CHSY3: variants seen among roughly 807,000 people sequenced by gnomAD.
The protein encoded by CHSY3 is chondroitin sulfate synthase 3.
Under a neutral mutation model 67.2 loss-of-function variants are expected in CHSY3, and 35 were observed. The observed-to-expected ratio is 0.52, with a 90% CI of 0.40 to 0.69. CHSY3 has a LOEUF of 0.69. Among genes scored for constraint, CHSY3 ranks in the 30% least tolerant of loss-of-function variants. CHSY3 has a pLI of 0.00. For missense variants in CHSY3, 1,069 were observed against 1,138.5 expected (o/e 0.94, Z 0.88); for synonymous variants, 474 against 434.7 (o/e 1.09, Z -1.12).
At chr5:129,978,680 T>G (rs1464312772) in intron 2 of CHSY3, among the ~76,000 whole-genome samples, 1 of 152,108 alleles carries the variant, frequency 6.6e-6, no homozygotes, top group African/African-American at 2.4e-5. Flanking sequence ...CACTGACAAA[T>G]GAGTATTTTG....
intron 2 of CHSY3, chr5:130,141,354 G>T: frequency 2.6e-6 from 1 of 379,960 alleles, no homozygotes; most frequent in South Asian, 2.5e-5. Flanking sequence ...ATTTATCAAG[G>T]AGAGAGTGCC....
chr5:130,092,411 G>A (rs1766911546), intron 2 of CHSY3, among the ~76,000 whole-genome samples: 2 of 152,104 alleles, frequency 1.3e-5, no homozygotes, highest in African/African-American at 4.8e-5. Flanking sequence ...TCATAGTCTT[G>A]AGTTGGAATG....
chr5:129,956,277 G>A (rs191353015), intron 2 of CHSY3, among the ~76,000 whole-genome samples: 6 of 151,884 alleles, frequency 4.0e-5, no homozygotes, highest in African/African-American at 1.5e-4. Flanking sequence ...ATCTCATTGT[G>A]GGTTTGATTT....
intron 2 of CHSY3, among the ~76,000 whole-genome samples, chr5:130,002,710 C>G (rs1041623834): frequency 6.6e-6 from 1 of 151,990 alleles, no homozygotes; most frequent in Admixed American, 6.6e-5. Context: ...ATTTGTTCCA[C>G]TATAGTAAAC....
intron 2 of CHSY3, among the ~76,000 whole-genome samples, chr5:129,993,284 G>T (rs1763424369): frequency 6.6e-6 from 1 of 152,028 alleles, no homozygotes; most frequent in Non-Finnish European, 1.5e-5. Context: ...CCATCTCGTT[G>T]ATCTGTTTAA....
intron 2 of CHSY3, among the ~76,000 whole-genome samples, chr5:130,071,342 A>G (rs1057105986): frequency 6.6e-6 from 1 of 152,112 alleles, no homozygotes; most frequent in Admixed American, 6.6e-5. Flanking sequence ...AAGGTTTCAC[A>G]TGCAAAATAA....
At chr5:129,954,480 C>T (rs1263141145) in intron 2 of CHSY3, among the ~76,000 whole-genome samples, 7 of 151,012 alleles carry the variant, frequency 4.6e-5, no homozygotes. Flanking sequence ...TTTTTGGTTC[C>T]ATATGAAATT....
At chr5:129,966,845 A>G (rs1459505279) in intron 2 of CHSY3, among the ~76,000 whole-genome samples, 3 of 151,820 alleles carry the variant, frequency 2.0e-5, no homozygotes, top group African/African-American at 7.3e-5. Flanking sequence ...GAAGGGAACC[A>G]ATGCCTGACT....
chr5:129,952,226 G>GC (rs1201193944), intron 2 of CHSY3, among the ~76,000 whole-genome samples: 1 of 152,194 alleles, frequency 6.6e-6, no homozygotes, highest in African/African-American at 2.4e-5. Context: ...AATAAGCAGA[G>GC]CCCTTGTCCT....
At chr5:129,992,031 A>G (rs1018039203) in intron 2 of CHSY3, among the ~76,000 whole-genome samples, 1 of 152,180 alleles carries the variant, frequency 6.6e-6, no homozygotes, top group Admixed American at 6.5e-5. Context: ...GGAGATAATC[A>G]AAGATGAAGA....
At chr5:130,160,895 A>AT (rs1235724208) in intron 2 of CHSY3, among the ~76,000 whole-genome samples, 66 of 142,494 alleles carry the variant, frequency 4.6e-4, no homozygotes, top group Middle Eastern at 3.6e-3. Context: ...TTATTTATTT[A>AT]TTTTTTTTTT....
At chr5:130,001,348 C>A (rs1763722943) in intron 2 of CHSY3, 1 of 755,022 alleles carries the variant, frequency 1.3e-6, no homozygotes, top group Non-Finnish European at 1.6e-6. Context: ...TGGTGGAATT[C>A]TTTCATTTTA....
chr5:130,068,035 A>G (rs1375970086), intron 2 of CHSY3, among the ~76,000 whole-genome samples: 1 of 152,186 alleles, frequency 6.6e-6, no homozygotes, highest in African/African-American at 2.4e-5. Flanking sequence ...GTAAATATGT[A>G]TTACATGTAA....
intron 2 of CHSY3, among the ~76,000 whole-genome samples, chr5:130,162,057 A>AAAAAGAAAG (rs1554087189): frequency 8.1e-6 from 1 of 122,980 alleles, no homozygotes; most frequent in African/African-American, 3.1e-5. Flanking sequence ...AAAAAAAAAA[A>AAAAAGAAAG]AAAGAAAGAA....
chr5:130,110,522 T>G (rs1236202635), intron 2 of CHSY3, among the ~76,000 whole-genome samples: 1 of 151,948 alleles, frequency 6.6e-6, no homozygotes, highest in African/African-American at 2.4e-5. Flanking sequence ...TCTTTGGCTT[T>G]CATTCTGCCC....
chr5:130,141,741 T>C, intron 2 of CHSY3: 1 of 494,352 alleles, frequency 2.0e-6, no homozygotes, highest in Non-Finnish European at 4.0e-6. Context: ...TTGATAAGGG[T>C]ATTAAAATTA....
At chr5:130,163,479 C>T (rs188763565) in intron 2 of CHSY3, among the ~76,000 whole-genome samples, 37 of 152,274 alleles carry the variant, frequency 2.4e-4, no homozygotes, top group Middle Eastern at 3.4e-3. Context: ...GACACTTTCC[C>T]TTCAACTTCT....
intron 2 of CHSY3, among the ~76,000 whole-genome samples, chr5:130,138,892 A>G (rs919350443): frequency 1.3e-5 from 2 of 152,328 alleles, no homozygotes; most frequent in South Asian, 2.1e-4. Context: ...TGAATGCATC[A>G]TTCTGAGAAT....
At chr5:130,127,231 C>G (rs1385808879) in intron 2 of CHSY3, among the ~76,000 whole-genome samples, 2 of 152,136 alleles carry the variant, frequency 1.3e-5, no homozygotes, top group African/African-American at 4.8e-5. Flanking sequence ...GCCTTTCTTT[C>G]TCAATCTCAA....
Sources: gnomAD v4.1 joint callset for allele counts (sites outside exome capture counted in the v4.1 genomes callset) on GRCh38, gnomAD v4.1.1 for gene constraint, MANE v1.5 for transcripts, NCBI Gene and HGNC (gene_info 2026-07-23, HGNC 2026-07-21) for gene names.